The following TRAPPC8 variants were observed in gnomAD, a reference collection of about 807,000 sequenced individuals.
The protein encoded by TRAPPC8 is trafficking protein particle complex subunit 8, also known as general sporulation gene 1 homolog.
Under a neutral mutation model 174.3 loss-of-function variants are expected in TRAPPC8, and 54 were observed. That is an observed-to-expected ratio of 0.31 (90% CI 0.25 to 0.39). The LOEUF (loss-of-function observed/expected upper bound fraction) is 0.39, where lower values mean the gene tolerates loss of function less well. Among genes scored for constraint, TRAPPC8 ranks in the 10% least tolerant of loss-of-function variants. The pLI is 1.00. For missense variants in TRAPPC8, 1,531 were observed against 1,699.1 expected, an observed-to-expected ratio of 0.90 and a Z score of 1.74; for synonymous variants, 630 against 579.9, an observed-to-expected ratio of 1.09 and a Z score of -1.24.
intron 2 of TRAPPC8, among the ~76,000 whole-genome samples, chr18:31,929,271 T>C (rs1245680475): frequency 6.6e-6 from 1 of 151,968 alleles, no homozygotes; most frequent in Non-Finnish European, 1.5e-5. Context: ...CTAAGTGACT[T>C]GGCTGGGCAT....
At chr18:31,872,151 T>G (rs1423520284) in intron 14 of TRAPPC8, among the ~76,000 whole-genome samples, 7 of 152,184 alleles carry the variant, frequency 4.6e-5, no homozygotes, top group Admixed American at 4.6e-4. Context: ...AATGTCTATG[T>G]GTACACATTA....
At chr18:31,877,756 T>C (rs1479549275) in intron 12 of TRAPPC8, among the ~76,000 whole-genome samples, 1 of 151,340 alleles carries the variant, frequency 6.6e-6, no homozygotes, top group East Asian at 1.9e-4. Context: ...AAACCCCGTC[T>C]CTACTAAAAA....
At chr18:31,937,128 G>T (rs1335231290) in intron 1 of TRAPPC8, among the ~76,000 whole-genome samples, 6 of 152,000 alleles carry the variant, frequency 3.9e-5, no homozygotes, top group Non-Finnish European at 8.8e-5. Flanking sequence ...GCAGGAGAAT[G>T]GAGTGAACCC....
intron 12 of TRAPPC8, among the ~76,000 whole-genome samples, chr18:31,880,827 A>T (rs911668479): frequency 2.0e-5 from 3 of 152,188 alleles, no homozygotes; most frequent in African/African-American, 7.2e-5. Flanking sequence ...AATTTAATGC[A>T]CAAAAATCAG....
Position 31,903,089 on chromosome 18 carries a change from T to G in TRAPPC8, c.1390-2064A>C, listed in dbSNP as rs954370774. Among the ~76,000 whole-genome samples the G allele has an allele frequency of 9.9e-5, 14 of 141,690 alleles. No homozygotes were observed. The East Asian group carries it at 2.9e-3, about 30-fold the overall frequency. The allele number at this position is 141,690 out of a possible 152,430, so 93.0% of individuals were successfully genotyped here. A position where few individuals can be genotyped will look rare whatever the true frequency, so the allele number is the denominator to read the frequency against. On this transcript the variant is annotated intron_variant, in intron 9 of 28. Coordinates refer to ENST00000283351, the MANE Select transcript of TRAPPC8 (RefSeq NM_014939.5). ...AAATAGCCCCTACTCCTCTCCAGTGTCCTGCTTTTTGATTGCGCGCGTGCG... is the reference window on the plus strand; with the variant it reads ...AAATAGCCCCTACTCCTCTCCAGTGGCCTGCTTTTTGATTGCGCGCGTGCG...
intron 2 of TRAPPC8, among the ~76,000 whole-genome samples, chr18:31,929,324 T>A (rs1293372028): frequency 6.6e-6 from 1 of 151,910 alleles, no homozygotes; most frequent in Non-Finnish European, 1.5e-5. Flanking sequence ...GAGGCCAGGG[T>A]GAGAGGATCA....
At chr18:31,875,086 G>C (rs901622843) in intron 12 of TRAPPC8, among the ~76,000 whole-genome samples, 1 of 152,012 alleles carries the variant, frequency 6.6e-6, no homozygotes, top group Non-Finnish European at 1.5e-5. Flanking sequence ...AAAAAGGCAA[G>C]GGATATGTAA....
At chr18:31,867,815 G>A (rs1038690793) in intron 16 of TRAPPC8, among the ~76,000 whole-genome samples, 5 of 151,956 alleles carry the variant, frequency 3.3e-5, no homozygotes, top group African/African-American at 9.7e-5. Context: ...GGAGGTGGAG[G>A]TTGCAGTGAG....
chr18:31,867,026 A>G (rs2034619843), intron 17 of TRAPPC8, 51 bp from the exon 18 acceptor site: 4 of 1,582,272 alleles, frequency 2.5e-6, no homozygotes, highest in Non-Finnish European at 3.4e-6. Flanking sequence ...TATCTTAAAT[A>G]GCACAATACC....
At chr18:31,935,153 T>G (rs893905032) in intron 1 of TRAPPC8, among the ~76,000 whole-genome samples, 1 of 151,190 alleles carries the variant, frequency 6.6e-6, no homozygotes, top group African/African-American at 2.4e-5. Flanking sequence ...AAAACCAGCC[T>G]GACCAACATA....
intron 1 of TRAPPC8, among the ~76,000 whole-genome samples, chr18:31,934,634 A>G (rs1427136951): frequency 1.3e-5 from 2 of 151,974 alleles, no homozygotes; most frequent in African/African-American, 4.8e-5. Flanking sequence ...TTGGTAGGTC[A>G]AGGCGGGCGG....
chr18:31,835,281 T>C (rs1484431245), intron 27 of TRAPPC8, among the ~76,000 whole-genome samples: 3 of 152,172 alleles, frequency 2.0e-5, no homozygotes, highest in Non-Finnish European at 4.4e-5. Context: ...AGCAGAGGCA[T>C]ACACCTAGTA....
At chr18:31,919,533 AAAATAAAT>A (rs200943530) in intron 2 of TRAPPC8, among the ~76,000 whole-genome samples, 12,241 of 115,474 alleles carry the variant, frequency 0.11, 770 homozygotes, top group African/African-American at 0.14. Flanking sequence ...ACTCAGTCTC[AAAATAAAT>A]AAATAAATAA....
intron 2 of TRAPPC8, among the ~76,000 whole-genome samples, chr18:31,930,371 C>A (rs2037798093): frequency 6.6e-6 from 1 of 151,958 alleles, no homozygotes; most frequent in African/African-American, 2.4e-5. Context: ...CCGCCTGCCT[C>A]GGCCTCCCAA....
intron 21 of TRAPPC8, among the ~76,000 whole-genome samples, chr18:31,854,313 T>C (rs1338302230): frequency 6.6e-6 from 1 of 152,176 alleles, no homozygotes; most frequent in African/African-American, 2.4e-5. Flanking sequence ...AGATATCTCA[T>C]TCTTATTAGG....
At chr18:31,939,037 T>C (rs2038216790) in intron 1 of TRAPPC8, among the ~76,000 whole-genome samples, 1 of 133,042 alleles carries the variant, frequency 7.5e-6, no homozygotes, top group African/African-American at 2.8e-5. Context: ...CCAAGATCTA[T>C]CTCGCCGCTG....
chr18:31,935,466 T>C (rs1159230216), intron 1 of TRAPPC8, among the ~76,000 whole-genome samples: 2 of 141,448 alleles, frequency 1.4e-5, no homozygotes, highest in Non-Finnish European at 3.0e-5. Flanking sequence ...CAGAACTGCT[T>C]GAACCTGGGA....
intron 12 of TRAPPC8, among the ~76,000 whole-genome samples, chr18:31,880,123 T>A (rs28835613): frequency 0.055 from 3,020 of 54,848 alleles, 43 homozygotes; most frequent in African/African-American, 0.077. Context: ...ATATATATAT[T>A]TTTTTTTTTT....
At chr18:31,921,747 G>T (rs1458496884) in intron 2 of TRAPPC8, among the ~76,000 whole-genome samples, 1 of 152,118 alleles carries the variant, frequency 6.6e-6, no homozygotes, top group African/African-American at 2.4e-5. Context: ...CTGGAAAACG[G>T]AATGTGATTA....
Sources: gnomAD v4.1 joint callset for allele counts (sites outside exome capture counted in the v4.1 genomes callset) on GRCh38, gnomAD v4.1.1 for gene constraint, MANE v1.5 for transcripts, NCBI Gene and HGNC (gene_info 2026-07-23, HGNC 2026-07-21) for gene names.